The following EIF3B variants were observed in gnomAD, a reference collection of about 807,000 sequenced individuals.
The protein encoded by EIF3B is eukaryotic translation initiation factor 3 subunit B.
A neutral mutation model predicts 104.6 loss-of-function variants in EIF3B; 10 were observed. That is an observed-to-expected ratio of 0.10 (90% confidence interval 0.06 to 0.16). EIF3B has a LOEUF of 0.16. EIF3B is among the 10% of genes least tolerant of loss of function. The probability of loss-of-function intolerance (pLI) is 1.00; values close to 1 mark genes in which losing one functional copy is unlikely to be tolerated. For synonymous variants in EIF3B, 542 were observed against 417.2 expected (o/e 1.30, Z -3.65); for missense variants, 1,014 against 1,087.9 (o/e 0.93, Z 0.96).
chr7:2,369,859 C>T (rs955623655), intron 10 of EIF3B, among the ~76,000 whole-genome samples, 177 bp downstream of exon 10: 1 of 139,676 alleles, frequency 7.2e-6, no homozygotes, highest in Non-Finnish European at 1.5e-5. Context: ...TCACTGCAGT[C>T]TCTGCCTCCT....
intron 1 of EIF3B, among the ~76,000 whole-genome samples, chr7:2,358,322 G>C (rs561902846): frequency 6.6e-6 from 1 of 151,586 alleles, no homozygotes; most frequent in South Asian, 2.1e-4. Flanking sequence ...GGCCTCATGT[G>C]ATTTGCCTTC....
rs755971349 is a variant in EIF3B at position 2,362,638 on chromosome 7, C to G, written c.693-7C>G. 1.2e-5 allele frequency: 19 copies of G among 1,614,046 alleles called. 1 individual carries two copies. The highest frequency in any genetic ancestry group is 1.7e-4 in the Middle Eastern group (1 of 6,060). On this transcript the variant is annotated splice_polypyrimidine_tract_variant and splice_region_variant and intron_variant, in intron 2 of 18. Transcript: ENST00000360876. ...TGGGTATGTGCCAACGGCCCTCTCT[C>G]ACTCAGGTATATTTTCCTGGAGTAC...
chr7:2,380,015 T>C, intron 18 of EIF3B, 189 bp from the exon 19 acceptor site: 1 of 263,358 alleles, frequency 3.8e-6, no homozygotes, highest in Non-Finnish European at 7.5e-6. Flanking sequence ...ATGGGGTGCC[T>C]GAGGGTGGCC....
chr7:2,363,232 C>A, intron 4 of EIF3B, 105 bp downstream of exon 4: 1 of 1,177,782 alleles, frequency 8.5e-7, no homozygotes, highest in Non-Finnish European at 1.3e-6. Flanking sequence ...GTGGGAGGAT[C>A]GCTTAAGCCC....
At chr7:2,363,892 AC>A (rs1779872049) in intron 5 of EIF3B, 132 bp downstream of exon 5, 1 of 1,071,186 alleles carries the variant, frequency 9.3e-7, no homozygotes, top group Non-Finnish European at 1.3e-6. Context: ...CTTTCTGAAA[AC>A]AACTTCTTTT....
rs1583188727 is a variant in EIF3B, at chr7:2,380,039, C to T, written c.*15-165C>T. ...CTGAGGGTGGCCTGGTTGCTGTCCC[C>T]CCAGGGTGGGACCATGAGCGAGTAG... On this transcript the variant is annotated intron_variant, in intron 18 of 18. Transcript: ENST00000360876. 1.1e-5 allele frequency: 3 copies of T among 274,580 alleles called. No individual in the cohort carries two copies. In the East Asian group the frequency reaches 3.4e-4, roughly 31 times the overall value. 17.0% of individuals were successfully genotyped at this position (274,580 alleles called of 1,614,324 possible). A position where few individuals can be genotyped will look rare whatever the true frequency, so the allele number is the denominator to read the frequency against.
chr7:2,355,093 G>C lies in EIF3B; in HGVS notation c.172G>C (p.Ala58Pro), dbSNP rs1321190910. The C allele has an allele frequency of 7.5e-7, 1 of 1,335,904 alleles. No individual in the cohort carries two copies. The highest frequency in any genetic ancestry group is 9.5e-7 in the Non-Finnish European group (1 of 1,047,812). 82.8% of individuals were successfully genotyped at this position (1,335,904 alleles called of 1,614,324 possible). ...GGCCTCCAGTGAGGAGGTGGGGATC[G>C]CGGAGGCCGGGCCGGAGTCCGAGGT... is the stretch of plus-strand genomic sequence containing the variant. ...TEASSEEVGI[A>P]EAGPESEVRT... The change falls in exon 1 of 19, where the codon GCG becomes CCG. Residue 58 changes from alanine to proline, a missense_variant. Around this residue, in one of 4 missense-constraint regions of EIF3B, gnomAD observed 488 missense variants for 404.3 expected, o/e 1.21. Coordinates refer to ENST00000360876, the MANE Select transcript of EIF3B (RefSeq NM_001037283.2).
At chr7:2,368,069 C>T (rs1464486092) in intron 9 of EIF3B, among the ~76,000 whole-genome samples, 6 of 151,656 alleles carry the variant, frequency 4.0e-5, no homozygotes, top group Non-Finnish European at 8.8e-5. Flanking sequence ...TCTCAGAACT[C>T]CTGACCTCAA....
chr7:2,361,934 G>A (rs12699881), intron 2 of EIF3B, among the ~76,000 whole-genome samples: 30,417 of 150,572 alleles, frequency 0.2, 3,573 homozygotes, highest in South Asian at 0.38. Flanking sequence ...ACACTACCAC[G>A]CCTGGCTTGC....
In EIF3B at chr7:2,376,975, C is replaced by G. The variant is rs1344147935; in HGVS notation, c.2054C>G (p.Thr685Ser). The change falls in exon 15 of 19, where the codon ACT becomes AGT. Residue 685 changes from threonine to serine, a missense_variant. Physicochemically the swap from Thr to Ser is moderately conservative, Grantham distance 58 (BLOSUM62 1). This residue lies in a region of EIF3B where 266 missense variants were observed against 324.0 expected (regional missense o/e 0.82). Coordinates refer to ENST00000360876, the MANE Select transcript of EIF3B (RefSeq NM_001037283.2). ...GTGGACAACGCGTACTGGCTGTGGACTTTCCAGGGACGCCTCCTGCAGAAG... is the reference window on the plus strand; with the variant it reads ...GTGGACAACGCGTACTGGCTGTGGAGTTTCCAGGGACGCCTCCTGCAGAAG... ...HKVDNAYWLW[T>S]FQGRLLQKNN... 6.2e-7 allele frequency: 1 copy of G among 1,613,978 alleles called. No individual in the cohort carries two copies. The highest frequency in any genetic ancestry group is 8.5e-7 in the Non-Finnish European group (1 of 1,180,028).
intron 12 of EIF3B, 62 bp downstream of exon 12, chr7:2,372,857 GC>G: frequency 6.4e-7 from 1 of 1,571,888 alleles, no homozygotes; most frequent in Admixed American, 1.7e-5. Context: ...CCCAGTCGCT[GC>G]CCAACAGTGA....
At position 2,380,526 on chromosome 7, in the gene EIF3B, G is replaced by A; in HGVS notation, c.*337G>A. 2.3e-6 allele frequency: 1 copy of A among 428,508 alleles called. No individual in the cohort carries two copies. Among genetic ancestry groups the A allele is most frequent in the African/African-American group, 2.0e-5 (1 of 49,636 alleles). 26.5% of individuals were successfully genotyped at this position (428,508 alleles called of 1,614,324 possible). A position where few individuals can be genotyped will look rare whatever the true frequency, so the allele number is the denominator to read the frequency against. On this transcript the variant is annotated 3_prime_UTR_variant, in exon 19 of 19. Coordinates refer to ENST00000360876, the MANE Select transcript of EIF3B (RefSeq NM_001037283.2). ...CTCCGAAGACTTAGCGACGCCACTG[G>A]CGGCACCTTCTCCTGCGCCCAGTGA...
At chr7:2,371,679 A>T in intron 10 of EIF3B, 98 bp from the exon 11 acceptor site, 1 of 952,878 alleles carries the variant, frequency 1.0e-6, no homozygotes, top group Non-Finnish European at 1.7e-6. Context: ...CCAGGCATGC[A>T]CACTGAATCT....
At position 2,354,861 on chromosome 7, in the gene EIF3B, G is replaced by A. The variant is rs1056648194; in HGVS notation, c.-61G>A. ...CTGTAGCCGTCGCGGCGCGCGGTGC[G>A]GCCTGGGAGAGTCGGAAGCGCGGCG... On this transcript the variant is annotated 5_prime_UTR_variant, in exon 1 of 19. Transcript: ENST00000360876. The A allele has an allele frequency of 1.1e-5, 12 of 1,087,738 alleles. No homozygotes were observed. The African/African-American group carries it at 1.9e-4, about 17-fold the overall frequency. 67.4% of individuals were successfully genotyped at this position (1,087,738 alleles called of 1,614,324 possible).
rs1019982143 is a variant in EIF3B, at chr7:2,355,035, G to C, written c.114G>C (p.Ala38=). Residue 38 remains alanine, a synonymous_variant, in exon 1 of 19, where the codon GCG becomes GCC. Transcript: ENST00000360876. ...PPPAEGLLRP[A]GPGAPEAAGT... The stretch of plus-strand genomic sequence containing the variant: ...CAGCCGAGGGGCTGCTGCGGCCCGC[G>C]GGGCCCGGCGCTCCGGAGGCCGCGG... 1.1e-4 allele frequency: 129 copies of C among 1,198,834 alleles called. 1 individual carries two copies. The highest frequency in any genetic ancestry group is 1.2e-4 in the Non-Finnish European group (120 of 967,850). 74.3% of individuals were successfully genotyped at this position (1,198,834 alleles called of 1,614,324 possible).
intron 14 of EIF3B, chr7:2,375,996 A>G (rs1038594022): frequency 1.2e-5 from 2 of 162,156 alleles, no homozygotes; most frequent in African/African-American, 4.8e-5. Context: ...TGATACTTGA[A>G]CTAGTCCATG....
chr7:2,355,045 G>T lies in EIF3B; in HGVS notation c.124G>T (p.Ala42Ser). The T allele has an allele frequency of 2.5e-6, 3 of 1,210,586 alleles. No individual in the cohort carries two copies. Among genetic ancestry groups the T allele is most frequent in the Non-Finnish European group, 3.1e-6 (3 of 974,994 alleles). The allele number at this position is 1,210,586 out of a possible 1,614,324, so 75.0% of individuals were successfully genotyped here. ...GCTGCTGCGGCCCGCGGGGCCCGGCGCTCCGGAGGCCGCGGGGACCGAGGC... is the reference window on the plus strand; with the variant it reads ...GCTGCTGCGGCCCGCGGGGCCCGGCTCTCCGGAGGCCGCGGGGACCGAGGC... The part of the protein sequence containing the change: ...EGLLRPAGPG[A>S]PEAAGTEASS... The change falls in exon 1 of 19, where the codon GCT becomes TCT. Residue 42 changes from alanine to serine, a missense_variant. Transcript: ENST00000360876.
chr7:2,379,077 C>T (rs1032690535), intron 16 of EIF3B, 57 bp from the exon 17 acceptor site: 29 of 1,501,576 alleles, frequency 1.9e-5, no homozygotes, highest in African/African-American at 1.8e-4. Context: ...GTGGGCTCTT[C>T]GCGATGGGGA....
In EIF3B at chr7:2,369,534, T is replaced by C; in HGVS notation, c.1466T>C (p.Ile489Thr). 2 of 1,614,218 alleles carry C rather than the reference T, an allele frequency of 1.2e-6. No individual in the cohort carries two copies. Among genetic ancestry groups the C allele is most frequent in the Non-Finnish European group, 1.7e-6 (2 of 1,180,038 alleles). The change falls in exon 10 of 19, where the codon ATT becomes ACT. Residue 489 changes from isoleucine (I) to threonine (T), a missense_variant. Around this residue, in one of 4 missense-constraint regions of EIF3B, gnomAD observed 59 missense variants for 118.8 expected, o/e 0.50. Coordinates refer to ENST00000360876, the MANE Select transcript of EIF3B (RefSeq NM_001037283.2). ...IAFWVPEDKD[I>T]PARVTLMQLP... ...TTCTGGGTGCCTGAAGACAAAGATA[T>C]TCCAGCCAGGGTAACCCTGATGCAG...
Sources: gnomAD v4.1 joint callset for allele counts (sites outside exome capture counted in the v4.1 genomes callset) on GRCh38, gnomAD v4.1.1 for gene constraint, gnomAD v4.1.1 regional missense constraint, MANE v1.5 for transcripts, NCBI Gene and HGNC (gene_info 2026-07-23, HGNC 2026-07-21) for gene names.